The following PPARGC1A variants were observed in gnomAD, a reference collection of about 807,000 sequenced individuals.
PPARGC1A encodes peroxisome proliferator-activated receptor gamma coactivator 1-alpha.
Under a neutral mutation model 88.7 loss-of-function variants are expected in PPARGC1A, and 25 were observed. That is an observed-to-expected ratio of 0.28 (90% CI 0.21 to 0.39). PPARGC1A has a LOEUF of 0.39. Among genes scored for constraint, PPARGC1A ranks in the 10% least tolerant of loss-of-function variants. PPARGC1A has a pLI of 1.00. For missense variants in PPARGC1A, 880 were observed against 968.7 expected (o/e 0.91, Z 1.22); for synonymous variants, 363 against 355.6 (o/e 1.02, Z -0.24).
At chr4:24,314,286 C>T in the PPARGC1A span, among the ~76,000 whole-genome samples, 1 of 152,072 alleles carries the variant, frequency 6.6e-6, no homozygotes, top group Non-Finnish European at 1.5e-5. Context: ...GAAATGTAAC[C>T]CCCATCACAG....
the PPARGC1A span, among the ~76,000 whole-genome samples, chr4:24,313,644 T>C: frequency 6.6e-6 from 1 of 152,170 alleles, no homozygotes; most frequent in Admixed American, 6.5e-5. Flanking sequence ...GGAGCTTTCA[T>C]CCAGCCCGTC....
At chr4:24,462,846 G>A in the PPARGC1A span, among the ~76,000 whole-genome samples, 1 of 151,544 alleles carries the variant, frequency 6.6e-6, no homozygotes, top group East Asian at 1.9e-4. Flanking sequence ...CCTTTATTAA[G>A]TCAGTAACAA....
intron 2 of PPARGC1A, chr4:23,881,203 G>C (rs993667156): frequency 6.6e-6 from 1 of 152,092 alleles, no homozygotes; most frequent in Non-Finnish European, 1.5e-5. Flanking sequence ...AGCCGGTCCA[G>C]GGACGCATCC....
chr4:24,387,140 A>G, the PPARGC1A span, among the ~76,000 whole-genome samples: 4 of 152,228 alleles, frequency 2.6e-5, no homozygotes, highest in African/African-American at 9.6e-5. Flanking sequence ...AGCAACGGGG[A>G]AAGGATTCCC....
the PPARGC1A span, among the ~76,000 whole-genome samples, chr4:23,951,729 T>C: frequency 8.5e-5 from 13 of 152,260 alleles, no homozygotes; most frequent in South Asian, 2.7e-3. Context: ...CTTCAATTTA[T>C]TGACTTCAGT....
At chr4:24,078,387 A>G in the PPARGC1A span, among the ~76,000 whole-genome samples, 1 of 152,086 alleles carries the variant, frequency 6.6e-6, no homozygotes, top group Non-Finnish European at 1.5e-5. Flanking sequence ...AAGAGAAGAG[A>G]GAAACTGGGG....
At chr4:24,351,655 C>A in the PPARGC1A span, among the ~76,000 whole-genome samples, 7 of 152,142 alleles carry the variant, frequency 4.6e-5, no homozygotes, top group African/African-American at 1.4e-4. Context: ...CAAAAAGACA[C>A]TATCTAATGT....
chr4:24,405,794 C>T, the PPARGC1A span, among the ~76,000 whole-genome samples: 7 of 152,328 alleles, frequency 4.6e-5, no homozygotes, highest in Middle Eastern at 6.8e-3. Context: ...CAACTCAACT[C>T]GAACTGCCCA....
chr4:24,179,672 C>A, the PPARGC1A span, among the ~76,000 whole-genome samples: 1 of 152,054 alleles, frequency 6.6e-6, no homozygotes, highest in Admixed American at 6.6e-5. Flanking sequence ...TGAGACAAGC[C>A]CAAATTGCAA....
the PPARGC1A span, among the ~76,000 whole-genome samples, chr4:24,118,765 T>C: frequency 0.044 from 6,655 of 152,186 alleles, 416 homozygotes; most frequent in African/African-American, 0.13. Flanking sequence ...CATATACACA[T>C]GGGATATTTA....
At chr4:23,970,603 T>G in the PPARGC1A span, among the ~76,000 whole-genome samples, 22 of 152,294 alleles carry the variant, frequency 1.4e-4, 1 homozygote, top group South Asian at 3.5e-3. Context: ...AAGCTTGAAT[T>G]TGACCCTTGG....
At chr4:24,333,106 G>A in the PPARGC1A span, among the ~76,000 whole-genome samples, 5 of 152,194 alleles carry the variant, frequency 3.3e-5, no homozygotes, top group Non-Finnish European at 7.3e-5. Context: ...GCTGGGCGTG[G>A]TGACACGCGC....
chr4:24,225,133 G>A, the PPARGC1A span, among the ~76,000 whole-genome samples: 1 of 152,186 alleles, frequency 6.6e-6, no homozygotes, highest in Non-Finnish European at 1.5e-5. Context: ...AGAGGGGAAT[G>A]ATGGAACTAG....
At chr4:24,200,632 A>G in the PPARGC1A span, among the ~76,000 whole-genome samples, 1 of 88,756 alleles carries the variant, frequency 1.1e-5, no homozygotes, top group Non-Finnish European at 2.3e-5. Context: ...CTTTAATGTA[A>G]CCAAAATGTT....
the PPARGC1A span, among the ~76,000 whole-genome samples, chr4:24,082,799 A>G: frequency 6.6e-6 from 1 of 152,148 alleles, no homozygotes. Context: ...GGAGGAGGGA[A>G]AAACCCACTC....
chr4:24,189,507 T>C, the PPARGC1A span, among the ~76,000 whole-genome samples: 9 of 152,106 alleles, frequency 5.9e-5, no homozygotes, highest in Admixed American at 2.0e-4. Flanking sequence ...AAGAAGCACT[T>C]GGCAATTGTC....
chr4:24,416,781 G>A, the PPARGC1A span, among the ~76,000 whole-genome samples: 8 of 151,976 alleles, frequency 5.3e-5, no homozygotes, highest in East Asian at 1.9e-4. Flanking sequence ...CTGTAATCCC[G>A]GCACTTTTGG....
At chr4:24,235,450 G>C in the PPARGC1A span, among the ~76,000 whole-genome samples, 1 of 152,118 alleles carries the variant, frequency 6.6e-6, no homozygotes, top group Admixed American at 6.5e-5. Flanking sequence ...TGATGCCCTT[G>C]GAAATCTCTG....
the PPARGC1A span, among the ~76,000 whole-genome samples, chr4:24,438,677 GT>G: frequency 1.3e-5 from 2 of 152,078 alleles, no homozygotes; most frequent in Non-Finnish European, 2.9e-5. Flanking sequence ...CAATGTTTAT[GT>G]TCTCAAAACC....
Sources: allele counts gnomAD v4.1 joint callset (sites outside exome capture counted in the v4.1 genomes callset), GRCh38; gene constraint gnomAD v4.1.1; transcripts MANE v1.5; gene names NCBI Gene and HGNC (gene_info 2026-07-23, HGNC 2026-07-21).